The following SLC13A3 variants were observed in gnomAD, a reference collection of about 807,000 sequenced individuals.
SLC13A3 encodes the protein solute carrier family 13 member 3, also known as Na(+)/dicarboxylate cotransporter 3.
A neutral mutation model predicts 59.0 loss-of-function variants in SLC13A3; 40 were observed. That is an observed-to-expected ratio of 0.68 (90% confidence interval 0.53 to 0.88). The LOEUF is 0.88. Among genes scored for constraint, SLC13A3 ranks in the 40% least tolerant of loss-of-function variants. SLC13A3 has a pLI of 0.00. For missense variants in SLC13A3, 699 were observed against 783.2 expected (o/e 0.89, Z 1.28); for synonymous variants, 317 against 330.3 (o/e 0.96, Z 0.44).
At chr20:46,680,302 C>T (rs1370838573) in intron 1 of SLC13A3, among the ~76,000 whole-genome samples, 4 of 152,208 alleles carry the variant, frequency 2.6e-5, no homozygotes, top group African/African-American at 9.6e-5. Context: ...TTATAATCAC[C>T]TGTTTGCTGT....
chr20:46,600,313 G>GGGAAGGAAGGAAGGAAAGGAA (rs144741251), intron 3 of SLC13A3, among the ~76,000 whole-genome samples: 2 of 123,808 alleles, frequency 1.6e-5, no homozygotes, highest in Non-Finnish European at 3.3e-5. Context: ...GAAAGAAAGA[G>GGGAAGGAAGGAAGGAAAGGAA]GGAAGGAAGG....
rs73908932 is a variant in SLC13A3 at position 46,564,279 on chromosome 20, C to A, written c.1495-728G>T. On this transcript the variant is annotated intron_variant, in intron 11 of 12. Transcript: ENST00000279027. The stretch of plus-strand genomic sequence containing the variant: ...TGTGTGTATCAAACCCCCCTATGAG[C>A]TGGCCTCAGCTAGTGGGCCACCAGT... 6.8e-3 allele frequency among the ~76,000 whole-genome samples: 1,040 copies of A among 152,328 alleles called. 13 individuals are homozygous for A. The highest frequency in any genetic ancestry group is 0.023 in the African/African-American group (952 of 41,560).
At chr20:46,671,613 T>C (rs547546685), upstream of SLC13A3, among the ~76,000 whole-genome samples, 32 of 152,116 alleles carry the variant, frequency 2.1e-4, no homozygotes, top group African/African-American at 7.5e-4. Flanking sequence ...ATAAGATTTA[T>C]TGGGAATAAC....
chr20:46,591,164 C>G (rs1568924656), intron 6 of SLC13A3, among the ~76,000 whole-genome samples: 1 of 148,964 alleles, frequency 6.7e-6, no homozygotes, highest in Non-Finnish European at 1.5e-5. Context: ...GAGACTTTGT[C>G]TAAATAAATA....
At chr20:46,600,324 A>AAGGAAGGAAAGG (rs61169434) in intron 3 of SLC13A3, among the ~76,000 whole-genome samples, 81 of 83,858 alleles carry the variant, frequency 9.7e-4, no homozygotes, top group Admixed American at 1.4e-3. Context: ...GGAAGGAAGG[A>AAGGAAGGAAAGG]AAGGAAGGAA....
In SLC13A3 at chr20:46,644,007, C is replaced by T. The variant is rs543246944; in HGVS notation, c.111+7304G>A. On this transcript the variant is annotated intron_variant, in intron 1 of 12. Transcript: ENST00000279027. ...GAGCCGGGATCATGCCACTGCACAC[C>T]AGCCTGGGCAACAGAGGAAGACCCT... Among the ~76,000 whole-genome samples, 3 of 152,216 alleles carry T rather than the reference C, an allele frequency of 2.0e-5. No homozygotes were observed. The East Asian group carries it at 5.8e-4, about 29-fold the overall frequency.
intron 6 of SLC13A3, among the ~76,000 whole-genome samples, chr20:46,591,826 T>C (rs910725444): frequency 6.6e-6 from 1 of 152,200 alleles, no homozygotes; most frequent in African/African-American, 2.4e-5. Context: ...TTAATAATTA[T>C]GAATAATATG....
Position 46,613,735 on chromosome 20 carries a change from G to A in SLC13A3, c.112-10C>T, listed in dbSNP as rs1053661163. The A allele has an allele frequency of 6.3e-7, 1 of 1,588,792 alleles. No individual in the cohort carries two copies. Among genetic ancestry groups the A allele is most frequent in the African/African-American group, 1.3e-5 (1 of 74,536 alleles). Reference sequence around the variant, plus strand: ...ACAAGCAGCGGCCTTCCTGCAGGAGGAGATGCATGCTCAGAGGGTCAGCGG... The same window carrying A: ...ACAAGCAGCGGCCTTCCTGCAGGAGAAGATGCATGCTCAGAGGGTCAGCGG... On this transcript the variant is annotated splice_polypyrimidine_tract_variant and intron_variant, in intron 1 of 12. Transcript: ENST00000279027.
chr20:46,671,891 A>G (rs2063094533), upstream of SLC13A3, among the ~76,000 whole-genome samples: 1 of 152,246 alleles, frequency 6.6e-6, no homozygotes, highest in South Asian at 2.1e-4. Context: ...GCTGGGCAGC[A>G]AGTCCCAGTT....
intron 1 of SLC13A3, among the ~76,000 whole-genome samples, chr20:46,635,842 G>A (rs1363721591): frequency 1.3e-5 from 2 of 152,198 alleles, no homozygotes; most frequent in Non-Finnish European, 2.9e-5. Flanking sequence ...AAGATGGCAA[G>A]GAAAGCGACC....
At chr20:46,642,607 G>A (rs1160472048) in intron 1 of SLC13A3, among the ~76,000 whole-genome samples, 2 of 152,080 alleles carry the variant, frequency 1.3e-5, no homozygotes, top group African/African-American at 2.4e-5. Context: ...GGCCTCTTGC[G>A]CTTCCCATTC....
upstream of SLC13A3, among the ~76,000 whole-genome samples, chr20:46,652,547 ATTTTTTTTT>A (rs11471373): frequency 0.028 from 3,308 of 117,842 alleles, 212 homozygotes; most frequent in Admixed American, 0.14. Flanking sequence ...TATCTGGCTA[ATTTTTTTTT>A]TTTTTTTTTT....
At chr20:46,590,181 G>A (rs1369433170) in intron 6 of SLC13A3, among the ~76,000 whole-genome samples, 2 of 152,004 alleles carry the variant, frequency 1.3e-5, no homozygotes, top group South Asian at 2.1e-4. Context: ...TGTACCATAA[G>A]GATGAACTCC....
chr20:46,640,031 C>T (rs1011562863), intron 1 of SLC13A3, among the ~76,000 whole-genome samples: 3 of 152,158 alleles, frequency 2.0e-5, no homozygotes, highest in Non-Finnish European at 2.9e-5. Context: ...CCCACAGAGC[C>T]ACAGTGAACA....
Position 46,651,298 on chromosome 20 carries a change from G to A in SLC13A3, c.111+13C>T, listed in dbSNP as rs374395150. 1 of 1,486,858 alleles carries A rather than the reference G, an allele frequency of 6.7e-7. No individual in the cohort carries two copies. The highest frequency in any genetic ancestry group is 1.3e-5 in the South Asian group (1 of 76,220). The allele number at this position is 1,486,858 out of a possible 1,614,324, so 92.1% of individuals were successfully genotyped here. A position where few individuals can be genotyped will look rare whatever the true frequency, so the allele number is the denominator to read the frequency against. ...GTGGTTGACCGGGGGCGCACAGGCG[G>A]AGGAGGCGTTACCTTGGGCGGGAGG... On this transcript the variant is annotated intron_variant, in intron 1 of 12. Transcript: ENST00000279027.
intron 4 of SLC13A3, among the ~76,000 whole-genome samples, chr20:46,599,708 G>A (rs1339688484): frequency 5.3e-5 from 8 of 152,128 alleles, no homozygotes. Flanking sequence ...TCTTTCAAGA[G>A]GAAAGTACCT....
At chr20:46,582,739 A>G in intron 9 of SLC13A3, 1 of 985,214 alleles carries the variant, frequency 1.0e-6, no homozygotes, top group Non-Finnish European at 1.2e-6. Flanking sequence ...GAGTGACACT[A>G]TTTTTCTCAA....
chr20:46,647,264 T>C (rs767410711), intron 1 of SLC13A3, among the ~76,000 whole-genome samples: 14 of 152,114 alleles, frequency 9.2e-5, no homozygotes, highest in Non-Finnish European at 2.1e-4. Flanking sequence ...CAGAGCATCT[T>C]TAGAGTCACC....
intron 1 of SLC13A3, among the ~76,000 whole-genome samples, chr20:46,661,503 C>A (rs994824962): frequency 3.9e-5 from 6 of 152,172 alleles, no homozygotes; most frequent in Non-Finnish European, 7.4e-5. Context: ...AGGAATCTGC[C>A]TTTGCTTCCC....
Sources: allele counts gnomAD v4.1 joint callset (sites outside exome capture counted in the v4.1 genomes callset), GRCh38; gene constraint gnomAD v4.1.1; transcripts MANE v1.5; gene names NCBI Gene and HGNC (gene_info 2026-07-23, HGNC 2026-07-21).